TNFSF4: variants seen among roughly 807,000 people sequenced by gnomAD.
The protein encoded by TNFSF4 is TNF superfamily member 4.
Under a neutral mutation model 7.3 loss-of-function variants are expected in TNFSF4, and 4 were observed. The ratio of observed to expected loss-of-function variants is 0.55; its 90% CI spans 0.27 to 1.25. The LOEUF (loss-of-function observed/expected upper bound fraction) is 1.25. Ranked by LOEUF, TNFSF4 falls within the 50% of genes most tolerant of loss-of-function variation. The pLI, the probability that TNFSF4 is intolerant of heterozygous loss-of-function variation, is 0.12. For synonymous variants in TNFSF4, 76 were observed against 83.7 expected, an observed-to-expected ratio of 0.91 and a Z score of 0.50; for missense variants, 181 against 208.8, an observed-to-expected ratio of 0.87 and a Z score of 0.82.
At chr1:173,322,069 G>A in the TNFSF4 span, among the ~76,000 whole-genome samples, 11 of 152,256 alleles carry the variant, frequency 7.2e-5, no homozygotes, top group East Asian at 1.9e-4. Context: ...CAACCCAAAC[G>A]CCGATTAATA....
downstream of TNFSF4, among the ~76,000 whole-genome samples, chr1:173,179,762 A>C (rs1313515292): frequency 6.6e-6 from 1 of 152,240 alleles, no homozygotes; most frequent in Non-Finnish European, 1.5e-5. Context: ...ATTAGAATGA[A>C]GAGGAATGGG....
the TNFSF4 span, among the ~76,000 whole-genome samples, chr1:173,415,538 C>T: frequency 6.6e-6 from 1 of 152,234 alleles, no homozygotes; most frequent in South Asian, 2.1e-4. Flanking sequence ...GCAAAGGGCC[C>T]CAGTCTTGAT....
chr1:173,331,209 A>G, the TNFSF4 span, among the ~76,000 whole-genome samples: 4 of 152,114 alleles, frequency 2.6e-5, no homozygotes, highest in African/African-American at 4.8e-5. Flanking sequence ...CAAAACCCAG[A>G]AAGTAAAAGA....
At chr1:173,311,608 G>T in the TNFSF4 span, among the ~76,000 whole-genome samples, 1 of 152,024 alleles carries the variant, frequency 6.6e-6, no homozygotes, top group Non-Finnish European at 1.5e-5. Context: ...CTAGGGTGTA[G>T]ATGAAGCATT....
the TNFSF4 span, among the ~76,000 whole-genome samples, chr1:173,436,288 A>G: frequency 6.6e-6 from 1 of 152,236 alleles, no homozygotes; most frequent in Non-Finnish European, 1.5e-5. Flanking sequence ...CACAGTGGGC[A>G]ACTGGAACTT....
chr1:173,414,283 G>C, the TNFSF4 span, among the ~76,000 whole-genome samples: 1 of 152,074 alleles, frequency 6.6e-6, no homozygotes, highest in African/African-American at 2.4e-5. Context: ...CTGTGTCTTT[G>C]CATGGCCTTT....
the TNFSF4 span, among the ~76,000 whole-genome samples, chr1:173,366,986 A>C: frequency 6.6e-6 from 1 of 152,170 alleles, no homozygotes; most frequent in Non-Finnish European, 1.5e-5. Context: ...AGCCCCTGGG[A>C]GGGGCCCTCG....
At chr1:173,175,001 T>A in the TNFSF4 span, 2 of 152,198 alleles carry the variant, frequency 1.3e-5, no homozygotes, top group Non-Finnish European at 2.9e-5. Flanking sequence ...CCTTTTAGAG[T>A]CTCTTACGTC....
At chr1:173,419,258 C>A in the TNFSF4 span, among the ~76,000 whole-genome samples, 2 of 151,956 alleles carry the variant, frequency 1.3e-5, no homozygotes, top group Middle Eastern at 3.4e-3. Context: ...AGGAGAGTGG[C>A]CTGAACCTGG....
chr1:173,214,095 A>C, the TNFSF4 span, among the ~76,000 whole-genome samples: 1 of 152,224 alleles, frequency 6.6e-6, no homozygotes, highest in African/African-American at 2.4e-5. Flanking sequence ...ATTAGGAATG[A>C]GGCAATACAA....
the TNFSF4 span, among the ~76,000 whole-genome samples, chr1:173,244,328 T>G: frequency 1.3e-5 from 2 of 152,066 alleles, no homozygotes; most frequent in Non-Finnish European, 2.9e-5. Context: ...AGCAAAAGCT[T>G]TGAGCTAGAG....
the TNFSF4 span, among the ~76,000 whole-genome samples, chr1:173,326,817 G>A: frequency 6.6e-6 from 1 of 152,136 alleles, no homozygotes; most frequent in Non-Finnish European, 1.5e-5. Context: ...CAAGGGATGT[G>A]AAGGACCTCT....
chr1:173,436,432 C>T, the TNFSF4 span, among the ~76,000 whole-genome samples: 6 of 152,086 alleles, frequency 3.9e-5, no homozygotes, highest in East Asian at 1.9e-4. Flanking sequence ...TGTTTTGAGA[C>T]GGAGTCTTAC....
chr1:173,354,512 C>T, the TNFSF4 span, among the ~76,000 whole-genome samples: 1 of 152,132 alleles, frequency 6.6e-6, no homozygotes, highest in Non-Finnish European at 1.5e-5. Flanking sequence ...CATCCTAATA[C>T]CAAAACCTGG....
At chr1:173,341,516 G>T in the TNFSF4 span, among the ~76,000 whole-genome samples, 1 of 152,198 alleles carries the variant, frequency 6.6e-6, no homozygotes, top group Non-Finnish European at 1.5e-5. Context: ...CAAGTGGGAT[G>T]AGGTAATAAG....
At chr1:173,355,391 C>T in the TNFSF4 span, among the ~76,000 whole-genome samples, 1 of 152,218 alleles carries the variant, frequency 6.6e-6, no homozygotes, top group African/African-American at 2.4e-5. Context: ...GTCCACCATA[C>T]TGGCTGACTC....
the TNFSF4 span, among the ~76,000 whole-genome samples, chr1:173,298,248 C>G: frequency 7.2e-4 from 109 of 151,974 alleles, 1 homozygote; most frequent in East Asian, 0.02. Flanking sequence ...CAAGAACCCC[C>G]AAAACTAAAC....
At chr1:173,316,789 G>T in the TNFSF4 span, among the ~76,000 whole-genome samples, 5 of 151,716 alleles carry the variant, frequency 3.3e-5, no homozygotes, top group Non-Finnish European at 2.9e-5. Context: ...TTTTTACAAG[G>T]TCATATTTCT....
chr1:173,196,130 G>A (rs766216295), intron 1 of TNFSF4, among the ~76,000 whole-genome samples: 8 of 152,130 alleles, frequency 5.3e-5, no homozygotes, highest in African/African-American at 9.7e-5. Context: ...AGTGGAAGCA[G>A]CCCCCTTACA....
Sources: gnomAD v4.1 joint callset for allele counts (sites outside exome capture counted in the v4.1 genomes callset) on GRCh38, gnomAD v4.1.1 for gene constraint, MANE v1.5 for transcripts, NCBI Gene and HGNC (gene_info 2026-07-23, HGNC 2026-07-21) for gene names.